CLCA2: variants seen among roughly 807,000 people sequenced by gnomAD.
The protein encoded by CLCA2 is chloride channel accessory 2, also known as calcium-activated chloride channel regulator 2.
Under a neutral mutation model 82.9 loss-of-function variants are expected in CLCA2, and 85 were observed. The ratio of observed to expected loss-of-function variants is 1.03; its 90% CI spans 0.86 to 1.23. The LOEUF (loss-of-function observed/expected upper bound fraction) is 1.23. Ranked by LOEUF, CLCA2 falls within the 50% of genes most tolerant of loss-of-function variation. The pLI, the probability that CLCA2 is intolerant of heterozygous loss-of-function variation, is 0.00. For missense variants in CLCA2, 1,089 were observed against 1,124.8 expected (o/e 0.97, Z 0.45); for synonymous variants, 421 against 391.7 (o/e 1.07, Z -0.88).
rs1022166469 is a variant in CLCA2, at chr1:86,440,284, C to G, written c.1340C>G (p.Ser447Ter). 2 of 1,614,042 alleles carry G rather than the reference C, an allele frequency of 1.2e-6. No homozygotes were observed. Among genetic ancestry groups the G allele is most frequent in the Admixed American group, 3.3e-5 (2 of 59,994 alleles). Residue 447 changes from serine (S) to a stop codon, truncating the protein, a stop_gained, in exon 8 of 14, where the codon TCA (serine) becomes TGA (stop). Coordinates refer to ENST00000370565, the MANE Select transcript of CLCA2 (RefSeq NM_006536.7). LOFTEE classifies it high-confidence loss of function. ...ACAATTCACTCCATTGCCCTGGGTT[C>G]ATCTGCAGCCCCAAATCTGGAGGAA... Reference protein sequence around the residue: ...GSTIHSIALGSSAAPNLEELS... With the variant: ...GSTIHSIALG
rs749308782 is a variant in CLCA2 at position 86,434,522 on chromosome 1, T to C, written c.749T>C (p.Val250Ala). The C allele has an allele frequency of 1.9e-6, 3 of 1,613,806 alleles. No individual in the cohort carries two copies. In the South Asian group the frequency reaches 3.3e-5, roughly 18 times the overall value. ...AAAGACTGTTTTTATTTCCAGGTGG[T>C]TGAATTTTGTAATGCAAGTACCCAC... ...IMFMQSLSSV[V>A]EFCNASTHNQ... Residue 250 changes from valine (V) to alanine (A), a missense_variant, in exon 6 of 14, where the codon GTT becomes GCT. Coordinates refer to ENST00000370565, the MANE Select transcript of CLCA2 (RefSeq NM_006536.7).
chr1:86,442,219 G>T (rs1460885115), intron 9 of CLCA2, among the ~76,000 whole-genome samples: 1 of 152,140 alleles, frequency 6.6e-6, no homozygotes, highest in Non-Finnish European at 1.5e-5. Context: ...TTAACGTGAA[G>T]ATTATATTTA....
At position 86,453,507 on chromosome 1, in the gene CLCA2, C is replaced by T. The variant is rs769367805; in HGVS notation, c.2294C>T (p.Pro765Leu). ...GCTGGCCCCCACCCTGATGTGTTTC[C>T]ACCATGCAAAATTATTGACCTGGAA... ...VPAGPHPDVF[P>L]PCKIIDLEAV... is the part of the protein sequence containing the mutation. Residue 765 changes from proline to leucine, a missense_variant, in exon 13 of 14, where the codon CCA becomes CTA. Pro to Leu is a moderately conservative substitution (Grantham distance 98, BLOSUM62 -3). Transcript: ENST00000370565. The T allele has an allele frequency of 6.2e-7, 1 of 1,614,164 alleles. No homozygotes were observed. Among genetic ancestry groups the T allele is most frequent in the Non-Finnish European group, 8.5e-7 (1 of 1,180,024 alleles).
At chr1:86,429,347 A>G (rs572041365) in intron 3 of CLCA2, among the ~76,000 whole-genome samples, 10 of 152,350 alleles carry the variant, frequency 6.6e-5, no homozygotes, top group Middle Eastern at 3.4e-3. Flanking sequence ...CTCCAGAGAT[A>G]AAAAACAAAA....
chr1:86,449,482 C>A (rs990337336), intron 11 of CLCA2, among the ~76,000 whole-genome samples: 3 of 152,240 alleles, frequency 2.0e-5, no homozygotes, highest in Non-Finnish European at 2.9e-5. Flanking sequence ...CAAAGATAAA[C>A]CTTATTAATC....
At chr1:86,435,884 T>C (rs1662598590) in intron 6 of CLCA2, among the ~76,000 whole-genome samples, 1 of 151,786 alleles carries the variant, frequency 6.6e-6, no homozygotes, top group Non-Finnish European at 1.5e-5. Context: ...TCTCACTACC[T>C]GTTTTGCATG....
chr1:86,425,283 C>A, intron 1 of CLCA2, 56 bp from the exon 2 acceptor site: 2 of 1,374,634 alleles, frequency 1.5e-6, no homozygotes, highest in South Asian at 1.5e-5. Flanking sequence ...ACCAGAAAAC[C>A]AAAACATACA....
Position 86,439,217 on chromosome 1 carries a change from C to CTCAACTATGAAAGTAATGATGGATTA in CLCA2, c.1203+114_1203+139dup, listed in dbSNP as rs1246068334. ...TTTGTTACAGGGTGGTCATAACAGC[C>CTCAACTATGAAAGTAATGATGGATTA]TCAACTATGAAAGTAATGATGGATT... On this transcript the variant is annotated intron_variant, in intron 7 of 13. Transcript: ENST00000370565. The CTCAACTATGAAAGTAATGATGGATTA allele has an allele frequency of 3.4e-6, 3 of 877,970 alleles. No homozygotes were observed. In the African/African-American group the frequency reaches 5.1e-5, roughly 15 times the overall value. The allele number at this position is 877,970 out of a possible 1,614,324, so 54.4% of individuals were successfully genotyped here.
At chr1:86,437,151 A>G (rs1350347616) in intron 6 of CLCA2, among the ~76,000 whole-genome samples, 3 of 152,248 alleles carry the variant, frequency 2.0e-5, no homozygotes, top group Non-Finnish European at 2.9e-5. Context: ...AAATAAGCCC[A>G]AAGTAACAAA....
At chr1:86,425,294 G>C (rs1213339096) in intron 1 of CLCA2, 45 bp from the exon 2 acceptor site, 1 of 1,446,326 alleles carries the variant, frequency 6.9e-7, no homozygotes, top group Admixed American at 2.4e-5. Flanking sequence ...AAAACATACA[G>C]GATTTACAAG....
At chr1:86,440,947 C>G (rs1217269410) in intron 8 of CLCA2, among the ~76,000 whole-genome samples, 3 of 152,062 alleles carry the variant, frequency 2.0e-5, no homozygotes, top group Non-Finnish European at 4.4e-5. Context: ...TAGGGACACA[C>G]ACAGTGTTTT....
chr1:86,425,948 C>T (rs1412083899), intron 2 of CLCA2, among the ~76,000 whole-genome samples: 2 of 151,496 alleles, frequency 1.3e-5, no homozygotes, highest in Non-Finnish European at 2.9e-5. Context: ...CACATTAGCT[C>T]AAGTCCAGAA....
intron 11 of CLCA2, among the ~76,000 whole-genome samples, chr1:86,449,516 T>G (rs1383373066): frequency 2.0e-5 from 3 of 152,260 alleles, no homozygotes; most frequent in South Asian, 2.1e-4. Flanking sequence ...ATACCAAGAT[T>G]TGATTTCTTA....
chr1:86,439,936 T>C (rs981610303), intron 7 of CLCA2, among the ~76,000 whole-genome samples: 2 of 152,100 alleles, frequency 1.3e-5, no homozygotes, highest in Non-Finnish European at 2.9e-5. Context: ...GGGGACACCT[T>C]GATGATTCAA....
Position 86,447,773 on chromosome 1 carries a change from G to T in CLCA2, c.1979G>T (p.Gly660Val). Residue 660 changes from glycine to valine, a missense_variant, in exon 11 of 14, where the codon GGA becomes GTA. Coordinates refer to ENST00000370565, the MANE Select transcript of CLCA2 (RefSeq NM_006536.7). ...DPVTLRLLDD[G>V]AGADVIKNDG... ...GTTACGCTGAGACTCCTTGATGATG[G>T]AGCAGGTAACAAGGAATGTCATGAC... 1 of 1,611,594 alleles carries T rather than the reference G, an allele frequency of 6.2e-7. No homozygotes were observed. The highest frequency in any genetic ancestry group is 1.1e-5 in the South Asian group (1 of 91,036).
chr1:86,433,571 T>C (rs991152314), intron 5 of CLCA2, among the ~76,000 whole-genome samples: 4 of 152,238 alleles, frequency 2.6e-5, no homozygotes, highest in Non-Finnish European at 5.9e-5. Context: ...ATCTTCACGA[T>C]GTTTTGAAAG....
At position 86,447,675 on chromosome 1, in the gene CLCA2, T is replaced by C. The variant is rs1231882937; in HGVS notation, c.1881T>C (p.Asn627=). 7 of 1,614,132 alleles carry C rather than the reference T, an allele frequency of 4.3e-6. No individual in the cohort carries two copies. Among genetic ancestry groups the C allele is most frequent in the Non-Finnish European group, 5.9e-6 (7 of 1,180,018 alleles). The part of the protein sequence containing the change: ...HFPHPVMIYA[N]VKQGFYPILN... ...CTCATCCTGTGATGATTTATGCCAA[T>C]GTGAAACAGGGATTTTATCCCATTC... Residue 627 remains asparagine (N), a synonymous_variant, in exon 11 of 14, where the codon AAT becomes AAC. Coordinates refer to ENST00000370565, the MANE Select transcript of CLCA2 (RefSeq NM_006536.7).
At chr1:86,429,841 A>G (rs1662459676) in intron 3 of CLCA2, among the ~76,000 whole-genome samples, 1 of 152,214 alleles carries the variant, frequency 6.6e-6, no homozygotes, top group Non-Finnish European at 1.5e-5. Flanking sequence ...CATAAAATAC[A>G]CTTTACAAAA....
At chr1:86,442,999 A>C (rs1662767468) in intron 9 of CLCA2, among the ~76,000 whole-genome samples, 1 of 152,096 alleles carries the variant, frequency 6.6e-6, no homozygotes, top group East Asian at 1.9e-4. Flanking sequence ...ATGTGTGTGC[A>C]CACACGTGGC....
Sources: allele counts gnomAD v4.1 joint callset (sites outside exome capture counted in the v4.1 genomes callset), GRCh38; gene constraint gnomAD v4.1.1; transcripts MANE v1.5; gene names NCBI Gene and HGNC (gene_info 2026-07-23, HGNC 2026-07-21).